LRRC37A2: variants seen among roughly 807,000 people sequenced by gnomAD.
The protein encoded by LRRC37A2 is leucine rich repeat containing 37 member A2, also known as leucine-rich repeat-containing protein 37A2.
Under a neutral mutation model 68.8 loss-of-function variants are expected in LRRC37A2, and 9 were observed. That is an observed-to-expected ratio of 0.13 (90% CI 0.08 to 0.23). The LOEUF (loss-of-function observed/expected upper bound fraction) is 0.23, where lower values mean the gene tolerates loss of function less well. LRRC37A2 is among the 10% of genes least tolerant of loss of function. The pLI is 1.00. For synonymous variants in LRRC37A2, 63 were observed against 367.6 expected (o/e 0.17, Z 9.48); for missense variants, 168 against 950.4 (o/e 0.18, Z 10.82).
chr17:46,925,537 GATATT>G, the LRRC37A2 span, among the ~76,000 whole-genome samples: 1 of 152,176 alleles, frequency 6.6e-6, no homozygotes, highest in African/African-American at 2.4e-5. Context: ...TCTGTAGAAT[GATATT>G]ATAATTTGGG....
chr17:46,901,810 T>C, the LRRC37A2 span, among the ~76,000 whole-genome samples: 2 of 149,314 alleles, frequency 1.3e-5, no homozygotes, highest in African/African-American at 5.0e-5. Context: ...AGAATTTTTT[T>C]TTTTTTTTTT....
the LRRC37A2 span, among the ~76,000 whole-genome samples, chr17:46,779,768 T>C: frequency 6.6e-6 from 1 of 152,068 alleles, no homozygotes. Flanking sequence ...ACCTTTTTTT[T>C]TCTTTTTTTG....
chr17:47,036,488 T>C, the LRRC37A2 span, among the ~76,000 whole-genome samples: 4 of 152,234 alleles, frequency 2.6e-5, no homozygotes, highest in East Asian at 1.9e-4. Flanking sequence ...ATTTAGGTAT[T>C]TGACATATTT....
At chr17:46,710,950 T>G in the LRRC37A2 span, 1 of 1,575,126 alleles carries the variant, frequency 6.3e-7, no homozygotes, top group Non-Finnish European at 8.6e-7. Context: ...TTTAGACTCC[T>G]TTTTCTTAAT....
At chr17:46,979,944 C>A in the LRRC37A2 span, among the ~76,000 whole-genome samples, 1 of 152,050 alleles carries the variant, frequency 6.6e-6, no homozygotes, top group South Asian at 2.1e-4. Flanking sequence ...TCTATTTGTG[C>A]CTTTCTCTAG....
the LRRC37A2 span, among the ~76,000 whole-genome samples, chr17:46,886,961 C>T: frequency 5.3e-5 from 8 of 152,262 alleles, no homozygotes; most frequent in African/African-American, 7.2e-5. Flanking sequence ...GGATTACAGG[C>T]GTGCACCACT....
the LRRC37A2 span, among the ~76,000 whole-genome samples, chr17:46,778,968 A>G: frequency 2.0e-5 from 3 of 151,296 alleles, no homozygotes; most frequent in African/African-American, 7.3e-5. Flanking sequence ...TTTGTTTCCA[A>G]TTCCATCTGG....
the LRRC37A2 span, among the ~76,000 whole-genome samples, chr17:46,945,881 C>T: frequency 3.3e-5 from 5 of 152,146 alleles, no homozygotes; most frequent in Admixed American, 6.5e-5. Flanking sequence ...TGATCGCTGC[C>T]GGGTGCTGTC....
chr17:46,960,417 G>A, the LRRC37A2 span, among the ~76,000 whole-genome samples: 1 of 152,142 alleles, frequency 6.6e-6, no homozygotes, highest in African/African-American at 2.4e-5. Context: ...ATGCAAAATG[G>A]AACAGCCACT....
chr17:46,722,418 G>C, the LRRC37A2 span, among the ~76,000 whole-genome samples: 1 of 152,194 alleles, frequency 6.6e-6, no homozygotes, highest in Non-Finnish European at 1.5e-5. Flanking sequence ...AGTTGTACTA[G>C]TCTGGCTAGG....
the LRRC37A2 span, among the ~76,000 whole-genome samples, chr17:46,902,950 T>C: frequency 6.6e-6 from 1 of 152,204 alleles, no homozygotes; most frequent in Non-Finnish European, 1.5e-5. Flanking sequence ...AGGGAAGTTC[T>C]GCCTGGGACT....
At chr17:46,569,477 G>A in the LRRC37A2 span, among the ~76,000 whole-genome samples, 4 of 147,422 alleles carry the variant, frequency 2.7e-5, no homozygotes, top group African/African-American at 7.9e-5. Context: ...ATGGGGGTTC[G>A]TTATGTTATC....
At chr17:46,765,797 T>C in the LRRC37A2 span, among the ~76,000 whole-genome samples, 6 of 152,202 alleles carry the variant, frequency 3.9e-5, no homozygotes, top group African/African-American at 1.4e-4. Flanking sequence ...AGGCCCTTCA[T>C]GTGCAGGGTC....
chr17:46,938,725 G>T, the LRRC37A2 span: 1 of 1,613,778 alleles, frequency 6.2e-7, no homozygotes, highest in South Asian at 1.1e-5. Context: ...GCTGACCTGT[G>T]TGGTCATGTT....
chr17:46,914,002 G>A, the LRRC37A2 span, among the ~76,000 whole-genome samples: 4 of 151,992 alleles, frequency 2.6e-5, no homozygotes, highest in African/African-American at 7.2e-5. Flanking sequence ...TGGGTGATCC[G>A]CTTGCCTCGG....
the LRRC37A2 span, among the ~76,000 whole-genome samples, chr17:46,774,537 C>T: frequency 1.3e-5 from 2 of 152,246 alleles, no homozygotes; most frequent in South Asian, 2.1e-4. Flanking sequence ...AGAGCTCCAC[C>T]TCTTTTCTCA....
the LRRC37A2 span, among the ~76,000 whole-genome samples, chr17:46,896,017 G>A: frequency 1.4e-4 from 22 of 152,228 alleles, no homozygotes; most frequent in African/African-American, 5.1e-4. Context: ...AGTGGCTCAT[G>A]CCTGTAATCC....
At chr17:46,915,804 C>A in the LRRC37A2 span, among the ~76,000 whole-genome samples, 1 of 152,244 alleles carries the variant, frequency 6.6e-6, no homozygotes, top group Non-Finnish European at 1.5e-5. Context: ...GGCAACCTGA[C>A]AAGTAGATTG....
At chr17:46,551,321 G>A (rs1228561146) in intron 11 of LRRC37A2, among the ~76,000 whole-genome samples, 3 of 150,304 alleles carry the variant, frequency 2.0e-5, no homozygotes, top group East Asian at 1.9e-4. Context: ...ACAGGCCAGT[G>A]CTAGCATATT....
Sources: gnomAD v4.1 joint callset for allele counts (sites outside exome capture counted in the v4.1 genomes callset) on GRCh38, gnomAD v4.1.1 for gene constraint, MANE v1.5 for transcripts, NCBI Gene and HGNC (gene_info 2026-07-23, HGNC 2026-07-21) for gene names.